Variants in MICAL3 observed in about 807,000 individuals in gnomAD.
MICAL3 encodes the protein microtubule associated monooxygenase, calponin and LIM domain containing 3.
Under a neutral mutation model 207.4 loss-of-function variants are expected in MICAL3, and 62 were observed. The ratio of observed to expected loss-of-function variants is 0.30; its 90% CI spans 0.24 to 0.37. MICAL3 has a LOEUF of 0.37. Ranked by LOEUF, MICAL3 falls within the 10% of genes least tolerant of loss-of-function variation. The pLI is 1.00. For missense variants in MICAL3, 2,368 were observed against 2,635.6 expected (o/e 0.90, Z 2.22); for synonymous variants, 1,077 against 1,069.3 (o/e 1.01, Z -0.14).
At chr22:17,930,322 T>C (rs1266844406) in intron 1 of MICAL3, among the ~76,000 whole-genome samples, 1 of 152,190 alleles carries the variant, frequency 6.6e-6, no homozygotes, top group Non-Finnish European at 1.5e-5. Flanking sequence ...CCAACAGAGA[T>C]GAATGTCTTA....
intron 28 of MICAL3, among the ~76,000 whole-genome samples, chr22:17,809,458 A>G (rs567335789): frequency 3.9e-5 from 6 of 152,170 alleles, no homozygotes; most frequent in East Asian, 1.9e-4. Flanking sequence ...GCATGGTGAA[A>G]CCCTGTCTCT....
intron 27 of MICAL3, chr22:17,815,261 A>T (rs1327933643): frequency 6.6e-6 from 1 of 152,264 alleles, no homozygotes; most frequent in East Asian, 1.9e-4. Flanking sequence ...ACCAAGTACC[A>T]GCCTTGGCAC....
At chr22:17,954,209 G>A (rs1306703252) in intron 1 of MICAL3, among the ~76,000 whole-genome samples, 2 of 152,046 alleles carry the variant, frequency 1.3e-5, no homozygotes, top group East Asian at 1.9e-4. Flanking sequence ...AAATTATTTG[G>A]TGCTACTTAC....
rs1921631742 is a variant in MICAL3, at chr22:17,821,426, C to T, written c.3531+1G>A. On this transcript the variant is annotated splice_donor_variant, in intron 25 of 31. Transcript: ENST00000441493. LOFTEE classifies it high-confidence loss of function. ...CCCCACAGCGAGCCCCAAACCCTTA[C>T]CTCTGTTGAGGGGCTGTGGACTGGA... The T allele has an allele frequency of 1.3e-6, 2 of 1,542,752 alleles. No individual in the cohort carries two copies. Among genetic ancestry groups the T allele is most frequent in the Non-Finnish European group, 1.7e-6 (2 of 1,143,612 alleles).
At chr22:18,011,051 G>A (rs1402662557) in intron 1 of MICAL3, among the ~76,000 whole-genome samples, 2 of 152,148 alleles carry the variant, frequency 1.3e-5, no homozygotes, top group African/African-American at 2.4e-5. Flanking sequence ...CAGCCTCAGC[G>A]ATCACAGGCC....
Position 17,886,002 on chromosome 22 carries a change from G to C in MICAL3, c.2117C>G (p.Thr706Ser). The C allele has an allele frequency of 6.2e-7, 1 of 1,614,054 alleles. No individual in the cohort carries two copies. The highest frequency in any genetic ancestry group is 8.5e-7 in the Non-Finnish European group (1 of 1,179,896). The stretch of plus-strand genomic sequence containing the variant: ...AACGTCCATCCTCCTGTCTGTCAGA[G>C]TGCTCACCAGGGTCGGTCTTTCTCC... ...HRGERPTLVSTLTDRRMDVAV... is the reference protein window; with the variant it reads ...HRGERPTLVSSLTDRRMDVAV... Residue 706 changes from threonine to serine, a missense_variant, in exon 16 of 32, where the codon ACT becomes AGT. This residue lies in a region of MICAL3 where 1,770 missense variants were observed against 1,863.2 expected (regional missense o/e 0.95). Transcript: ENST00000441493.
chr22:17,801,416 G>C, intron 29 of MICAL3, among the ~76,000 whole-genome samples: 1 of 49,848 alleles, frequency 2.0e-5, no homozygotes, highest in Admixed American at 1.6e-4. Flanking sequence ...GCCTCCCAAA[G>C]TGCTGGGATT....
chr22:17,855,183 C>T (rs1045727384), intron 19 of MICAL3, among the ~76,000 whole-genome samples: 1 of 152,206 alleles, frequency 6.6e-6, no homozygotes, highest in African/African-American at 2.4e-5. Flanking sequence ...ACTTACGAGT[C>T]AATCACTTTA....
chr22:17,986,054 C>T (rs987869578), intron 1 of MICAL3, among the ~76,000 whole-genome samples: 4 of 152,094 alleles, frequency 2.6e-5, no homozygotes, highest in Admixed American at 2.6e-4. Context: ...TTACAGGCAC[C>T]CGCCACCATG....
intron 1 of MICAL3, among the ~76,000 whole-genome samples, chr22:17,965,963 A>G (rs1222448918): frequency 1.3e-5 from 2 of 152,178 alleles, no homozygotes; most frequent in African/African-American, 2.4e-5. Context: ...TGGGACTTCC[A>G]TGTAGACAGC....
intron 23 of MICAL3, 23 bp from the exon 24 acceptor site, chr22:17,822,193 G>C (rs750427187): frequency 6.2e-7 from 1 of 1,610,966 alleles, no homozygotes; most frequent in Non-Finnish European, 8.5e-7. Context: ...AGGGGCAGAA[G>C]TGGGTGCACA....
chr22:17,869,309 CTG>C (rs1249688759), intron 17 of MICAL3, among the ~76,000 whole-genome samples: 3 of 152,078 alleles, frequency 2.0e-5, no homozygotes. Context: ...TGGAAACAGA[CTG>C]GGGTGTAACA....
intron 29 of MICAL3, among the ~76,000 whole-genome samples, chr22:17,792,369 TG>T (rs1276656712): frequency 1.3e-5 from 2 of 152,232 alleles, no homozygotes; most frequent in African/African-American, 4.8e-5. Context: ...AAGCTGCTCC[TG>T]GGCTTCCTGG....
intron 15 of MICAL3, 45 bp from the exon 16 acceptor site, chr22:17,886,096 C>CT: frequency 6.2e-7 from 1 of 1,602,240 alleles, no homozygotes; most frequent in East Asian, 2.2e-5. Context: ...TGACAGGAGG[C>CT]TCCCCCCATG....
chr22:17,881,165 C>A lies in MICAL3; in HGVS notation c.2241+4713G>T, dbSNP rs376036998. 6.0e-5 allele frequency: 91 copies of A among 1,519,956 alleles called. No individual in the cohort carries two copies. The African/African-American group carries it at 1.0e-3, about 17-fold the overall frequency. 94.2% of individuals were successfully genotyped at this position (1,519,956 alleles called of 1,614,324 possible). On this transcript the variant is annotated intron_variant, in intron 16 of 31. Coordinates refer to ENST00000441493, the MANE Select transcript of MICAL3 (RefSeq NM_015241.3). ...CTAGCCACCTACACAGACAGGCAGG[C>A]AGACAGAGACAGGAACATGGAGCAT...
At chr22:17,860,195 T>A in intron 19 of MICAL3, 1 of 979,748 alleles carries the variant, frequency 1.0e-6, no homozygotes, top group Non-Finnish European at 1.2e-6. Context: ...AATAAGAATG[T>A]AACATTTGTT....
At chr22:17,806,142 C>G (rs1210063514) in intron 29 of MICAL3, among the ~76,000 whole-genome samples, 1 of 152,200 alleles carries the variant, frequency 6.6e-6, no homozygotes, top group Non-Finnish European at 1.5e-5. Context: ...CCGCCTCTCT[C>G]TGTGTGTAAG....
At chr22:17,884,319 GGCA>G (rs1929685656) in intron 16 of MICAL3, 2 of 1,592,722 alleles carry the variant, frequency 1.3e-6, no homozygotes, top group Non-Finnish European at 8.5e-7. Flanking sequence ...TGCCCAGGCA[GGCA>G]GCAGGACGGC....
In MICAL3 at chr22:17,791,219, C is replaced by CTGA; in HGVS notation, c.5732_5733insTCA (p.Glu1911delinsAspGln). 1.2e-6 allele frequency: 2 copies of CTGA among 1,613,898 alleles called. No homozygotes were observed. Among genetic ancestry groups the CTGA allele is most frequent in the Non-Finnish European group, 1.7e-6 (2 of 1,179,870 alleles). On this transcript the variant is annotated protein_altering_variant, in exon 30 of 32. Transcript: ENST00000441493. ...CCACTCACAAGATCATCAGCTCCGA[C>CTGA]TCGTAGCGCACCATGGCGTTCTTCT...
Sources: gnomAD v4.1 joint callset for allele counts (sites outside exome capture counted in the v4.1 genomes callset) on GRCh38, gnomAD v4.1.1 for gene constraint, gnomAD v4.1.1 regional missense constraint, MANE v1.5 for transcripts, NCBI Gene and HGNC (gene_info 2026-07-23, HGNC 2026-07-21) for gene names.